ROBO2: variants seen among roughly 807,000 people sequenced by gnomAD.
The protein encoded by ROBO2 is roundabout guidance receptor 2, also known as roundabout homolog 2.
A neutral mutation model predicts 160.8 loss-of-function variants in ROBO2; 53 were observed. The ratio of observed to expected loss-of-function variants is 0.33; its 90% confidence interval spans 0.26 to 0.41. The LOEUF (loss-of-function observed/expected upper bound fraction) is 0.41, where lower values mean the gene tolerates loss of function less well. ROBO2 is among the 10% of genes least tolerant of loss of function. The probability of loss-of-function intolerance (pLI) is 1.00; values close to 1 mark genes in which losing one functional copy is unlikely to be tolerated. For synonymous variants in ROBO2, 664 were observed against 611.7 expected (o/e 1.09, Z -1.26); for missense variants, 1,577 against 1,722.4 (o/e 0.92, Z 1.49).
chr3:77,017,750 A>G (rs1291894387), intron 2 of ROBO2, among the ~76,000 whole-genome samples: 2 of 149,992 alleles, frequency 1.3e-5, no homozygotes, highest in Non-Finnish European at 1.5e-5. Flanking sequence ...TAATTTTTCT[A>G]TTTTTTTTTT....
chr3:77,354,242 A>AT (rs906732770), intron 2 of ROBO2, among the ~76,000 whole-genome samples: 46 of 151,820 alleles, frequency 3.0e-4, no homozygotes, highest in Non-Finnish European at 4.6e-4. Context: ...GACAATTACA[A>AT]TTTTTTTTTC....
intron 2 of ROBO2, among the ~76,000 whole-genome samples, chr3:77,267,445 T>A (rs1391950443): frequency 6.6e-6 from 1 of 152,262 alleles, no homozygotes; most frequent in East Asian, 1.9e-4. Flanking sequence ...CTTACAGGTA[T>A]TCGCACCTGC....
At chr3:77,530,570 C>T (rs755078755) in intron 6 of ROBO2, among the ~76,000 whole-genome samples, 10 of 152,022 alleles carry the variant, frequency 6.6e-5, no homozygotes, top group Admixed American at 3.3e-4. Flanking sequence ...TGAAAGCGGA[C>T]GTTCATATAC....
chr3:76,637,212 A>C (rs752625873), intron 2 of ROBO2, among the ~76,000 whole-genome samples: 8 of 152,092 alleles, frequency 5.3e-5, no homozygotes, highest in Non-Finnish European at 1.0e-4. Flanking sequence ...TGTGTCTGCA[A>C]CCTAAGAGGC....
intron 2 of ROBO2, among the ~76,000 whole-genome samples, chr3:77,446,556 A>G (rs1477950206): frequency 1.3e-5 from 2 of 152,072 alleles, no homozygotes; most frequent in Non-Finnish European, 2.9e-5. Context: ...TAAGCAGCAT[A>G]TCTTTTGTTT....
intron 2 of ROBO2, among the ~76,000 whole-genome samples, chr3:76,455,710 TC>T (rs1287436328): frequency 6.6e-6 from 1 of 152,126 alleles, no homozygotes; most frequent in African/African-American, 2.4e-5. Context: ...TCATGCACAT[TC>T]CTTTCAGGGG....
At chr3:76,160,387 C>A (rs957862895) in intron 2 of ROBO2, among the ~76,000 whole-genome samples, 1 of 152,124 alleles carries the variant, frequency 6.6e-6, no homozygotes, top group Non-Finnish European at 1.5e-5. Context: ...ATATTAATTT[C>A]AGTCGGAATT....
chr3:76,179,882 G>A (rs899602672), intron 2 of ROBO2, among the ~76,000 whole-genome samples: 1 of 152,042 alleles, frequency 6.6e-6, no homozygotes, highest in Non-Finnish European at 1.5e-5. Context: ...CTTCCAATTT[G>A]TTTCACTAAA....
intron 2 of ROBO2, among the ~76,000 whole-genome samples, chr3:77,139,409 T>A (rs1390772148): frequency 6.6e-6 from 1 of 152,200 alleles, no homozygotes; most frequent in Non-Finnish European, 1.5e-5. Flanking sequence ...TGGATTGTAC[T>A]TGGAGCAGTT....
intron 2 of ROBO2, among the ~76,000 whole-genome samples, chr3:76,102,614 G>T (rs2069743637): frequency 6.6e-6 from 1 of 152,182 alleles, no homozygotes; most frequent in African/African-American, 2.4e-5. Context: ...GAAAGATACA[G>T]ATTGAAAAGT....
At chr3:77,633,679 A>G (rs2095213461) in intron 23 of ROBO2, 1 of 152,212 alleles carries the variant, frequency 6.6e-6, no homozygotes, top group African/African-American at 2.4e-5. Context: ...TTAAGCATAC[A>G]TTAGCTATCT....
chr3:76,558,587 T>C lies in ROBO2; in HGVS notation c.110-539427T>C, dbSNP rs184975208. On this transcript the variant is annotated intron_variant, in intron 2 of 26. Transcript: ENST00000487694. ...TTTATACAAAATAACCAAATTTATA[T>C]TTATAATTTTGAATTTATACTTTGA... Among the ~76,000 whole-genome samples the C allele has an allele frequency of 2.2e-4, 33 of 152,252 alleles. 1 individual carries two copies. The East Asian group carries it at 6.4e-3, about 29-fold the overall frequency.
chr3:76,813,290 T>C (rs1486759642), intron 2 of ROBO2, among the ~76,000 whole-genome samples: 1 of 152,146 alleles, frequency 6.6e-6, no homozygotes, highest in Admixed American at 6.6e-5. Flanking sequence ...ATTCACAAAG[T>C]ACTACACATT....
At chr3:77,587,624 C>T (rs2094086511) in intron 16 of ROBO2, among the ~76,000 whole-genome samples, 1 of 151,928 alleles carries the variant, frequency 6.6e-6, no homozygotes, top group African/African-American at 2.4e-5. Context: ...ATTTAGTGCC[C>T]TATATAAGCT....
At chr3:76,878,816 C>T (rs2073045789) in intron 2 of ROBO2, among the ~76,000 whole-genome samples, 1 of 152,068 alleles carries the variant, frequency 6.6e-6, no homozygotes, top group African/African-American at 2.4e-5. Context: ...AGATAGCCAT[C>T]AAAAATCCTA....
At chr3:76,223,215 G>A (rs1704081169) in intron 2 of ROBO2, among the ~76,000 whole-genome samples, 2 of 151,840 alleles carry the variant, frequency 1.3e-5, no homozygotes, top group South Asian at 2.1e-4. Context: ...CTGAAGTCTA[G>A]TTATGGTCTA....
intron 9 of ROBO2, among the ~76,000 whole-genome samples, chr3:77,559,254 G>T (rs2093239113): frequency 6.6e-6 from 1 of 152,060 alleles, no homozygotes; most frequent in South Asian, 2.1e-4. Flanking sequence ...GAACCAACAG[G>T]TCCCACTTAC....
exon 2 of ROBO2, chr3:77,098,050 T>C (rs771358514): frequency 7.6e-6 from 12 of 1,588,282 alleles, no homozygotes; most frequent in African/African-American, 1.3e-5. Flanking sequence ...CCCCCGCGGA[T>C]TGTGGAGCAT....
chr3:77,538,913 A>C (rs1195185430), intron 6 of ROBO2: 1 of 472,858 alleles, frequency 2.1e-6, no homozygotes, highest in Non-Finnish European at 4.3e-6. Flanking sequence ...GAAACTTTTT[A>C]ATTTTTTTTC....
Sources: allele counts gnomAD v4.1 joint callset (sites outside exome capture counted in the v4.1 genomes callset), GRCh38; gene constraint gnomAD v4.1.1; transcripts MANE v1.5; gene names NCBI Gene and HGNC (gene_info 2026-07-23, HGNC 2026-07-21).